ANKRD28: variants seen among roughly 807,000 people sequenced by gnomAD.
The protein encoded by ANKRD28 is serine/threonine-protein phosphatase 6 regulatory ankyrin repeat subunit A.
ANKRD28 carries 44 observed loss-of-function variants against 126.5 expected under a neutral mutation model. The observed-to-expected ratio is 0.35, with a 90% CI of 0.27 to 0.45. ANKRD28 has a LOEUF of 0.45. Among genes scored for constraint, ANKRD28 ranks in the 20% least tolerant of loss-of-function variants. The pLI is 1.00. For missense variants in ANKRD28, 1,110 were observed against 1,316.6 expected (o/e 0.84, Z 2.43); for synonymous variants, 442 against 468.5 (o/e 0.94, Z 0.73).
chr3:15,739,594 A>G (rs1252272305), intron 4 of ANKRD28, among the ~76,000 whole-genome samples: 1 of 152,218 alleles, frequency 6.6e-6, no homozygotes, highest in Non-Finnish European at 1.5e-5. Flanking sequence ...GGTGGGGGAA[A>G]TAACATCTGC....
At chr3:15,818,563 C>T (rs1017668585) in intron 1 of ANKRD28, among the ~76,000 whole-genome samples, 3 of 152,044 alleles carry the variant, frequency 2.0e-5, no homozygotes, top group African/African-American at 7.3e-5. Flanking sequence ...TACATACATA[C>T]CCTATGATAA....
chr3:15,727,270 T>C (rs572319697), intron 6 of ANKRD28, among the ~76,000 whole-genome samples: 61 of 152,156 alleles, frequency 4.0e-4, no homozygotes, highest in African/African-American at 1.4e-3. Context: ...GATTCATCAT[T>C]CTAGATGCCA....
intron 2 of ANKRD28, among the ~76,000 whole-genome samples, chr3:15,775,778 T>C (rs948543558): frequency 3.9e-5 from 6 of 152,214 alleles, no homozygotes; most frequent in African/African-American, 1.4e-4. Context: ...CTCCAGGAAC[T>C]GCCACATGTT....
rs1371506814 is a variant in ANKRD28, at chr3:15,850,205, ATAT to A, written c.27+9169_27+9171del. Among the ~76,000 whole-genome samples the A allele has an allele frequency of 4.5e-4, 11 of 24,388 alleles. 3 individuals carry two copies. Among genetic ancestry groups the A allele is most frequent in the Non-Finnish European group, 4.5e-4 (5 of 11,042 alleles). The allele number at this position is 24,388 out of a possible 152,430, so 16.0% of individuals were successfully genotyped here. A position where few individuals can be genotyped will look rare whatever the true frequency, so the allele number is the denominator to read the frequency against. ...CTACATGCAATAAAAAAAAAAAAAA[ATAT>A]ATATATATATATATATAGAGAGAGA... is the stretch of plus-strand genomic sequence containing the variant. On this transcript the variant is annotated intron_variant, in intron 1 of 27. Coordinates refer to the ANKRD28 transcript ENST00000399451.
At chr3:15,688,167 A>G (rs1417114324) in intron 18 of ANKRD28, among the ~76,000 whole-genome samples, 1 of 152,244 alleles carries the variant, frequency 6.6e-6, no homozygotes, top group Non-Finnish European at 1.5e-5. Flanking sequence ...TTGAGAGTGC[A>G]ACCACTCCAT....
intron 1 of ANKRD28, among the ~76,000 whole-genome samples, chr3:15,806,357 G>A (rs892228447): frequency 6.6e-6 from 1 of 152,124 alleles, no homozygotes; most frequent in African/African-American, 2.4e-5. Context: ...TTACTGTATT[G>A]TAGAAATTTT....
intron 6 of ANKRD28, among the ~76,000 whole-genome samples, chr3:15,731,678 C>A (rs992210046): frequency 2.6e-5 from 4 of 151,762 alleles, no homozygotes; most frequent in Non-Finnish European, 5.9e-5. Flanking sequence ...GGTGAAACCT[C>A]ATCTCTACTA....
chr3:15,693,285 T>C (rs2125857318), intron 17 of ANKRD28, among the ~76,000 whole-genome samples: 1 of 152,078 alleles, frequency 6.6e-6, no homozygotes, highest in East Asian at 1.9e-4. Flanking sequence ...TACCACCATA[T>C]ACACATACAA....
chr3:15,743,123 A>G (rs2057216243), intron 4 of ANKRD28, among the ~76,000 whole-genome samples: 2 of 151,888 alleles, frequency 1.3e-5, no homozygotes, highest in South Asian at 2.1e-4. Context: ...ACTCAGGGTT[A>G]AATGGATTAA....
chr3:15,724,524 C>A lies in ANKRD28; in HGVS notation c.641G>T (p.Gly214Val). Residue 214 changes from glycine to valine, a missense_variant and splice_region_variant, in exon 7 of 28, where the codon GGT becomes GTT. Transcript: ENST00000683139. Reference sequence around the variant, plus strand: ...AAGCAATTTCACTACTTCAATGTGACCTAAAAATGTGTTTTTGAAGAAAAA... The same window carrying A: ...AAGCAATTTCACTACTTCAATGTGAACTAAAAATGTGTTTTTGAAGAAAAA... Reference protein sequence around the residue: ...RRAIHWAAYMGHIEVVKLLVS... With the variant: ...RRAIHWAAYMVHIEVVKLLVS... 6.4e-7 allele frequency: 1 copy of A among 1,566,360 alleles called. No homozygotes were observed. Among genetic ancestry groups the A allele is most frequent in the Non-Finnish European group, 8.7e-7 (1 of 1,155,288 alleles).
Position 15,709,677 on chromosome 3 carries a change from T to C in ANKRD28, c.1397A>G (p.Lys466Arg). The stretch of plus-strand genomic sequence containing the variant: ...CTGTATCATACCCTACCTCCCAAAT[T>C]TGTCCTTTTTATTAAAGTCTGCACC... ...NTGADFNKKD[K>R]FGRSPLHYAA... The change falls in exon 13 of 28, where the codon AAA (lysine) becomes AGA (arginine). Residue 466 changes from lysine (K) to arginine (R), a missense_variant. Coordinates refer to ENST00000683139, the MANE Select transcript of ANKRD28 (RefSeq NM_001349278.2). The C allele has an allele frequency of 6.3e-7, 1 of 1,580,530 alleles. No homozygotes were observed. The highest frequency in any genetic ancestry group is 1.2e-5 in the South Asian group (1 of 86,008).
In ANKRD28 at chr3:15,843,747, G is replaced by A. The variant is rs909753017; in HGVS notation, c.27+15630C>T. ...AGATAAAGATAGAATTAAGAGTACA[G>A]TAGGCCAGTTTGAGCCAAAAATAAT... On this transcript the variant is annotated intron_variant, in intron 1 of 27. Coordinates refer to the ANKRD28 transcript ENST00000399451. The surrounding 1 kb of genome is among the most constrained non-coding windows in gnomAD (Gnocchi z 5.2). Among the ~76,000 whole-genome samples, 1 of 146,750 alleles carries A rather than the reference G, an allele frequency of 6.8e-6. No individual in the cohort carries two copies. The highest frequency in any genetic ancestry group is 1.5e-5 in the Non-Finnish European group (1 of 67,004).
chr3:15,734,077 G>A (rs1208170383), intron 6 of ANKRD28, among the ~76,000 whole-genome samples: 2 of 152,076 alleles, frequency 1.3e-5, no homozygotes, highest in African/African-American at 4.8e-5. Flanking sequence ...TACCACATGT[G>A]GTTCAAAAAT....
chr3:15,850,932 T>C (rs1354974130), intron 1 of ANKRD28, among the ~76,000 whole-genome samples: 2 of 152,164 alleles, frequency 1.3e-5, no homozygotes, highest in African/African-American at 2.4e-5. Context: ...GGGACTGCAC[T>C]TGTGGATCTG....
intron 2 of ANKRD28, among the ~76,000 whole-genome samples, chr3:15,773,635 T>G (rs542352829): frequency 6.6e-6 from 1 of 151,854 alleles, no homozygotes; most frequent in Non-Finnish European, 1.5e-5. Context: ...AAAAAAAAAT[T>G]TCAAGATTTG....
intron 1 of ANKRD28, among the ~76,000 whole-genome samples, chr3:15,813,776 G>A (rs2060775941): frequency 6.6e-6 from 1 of 152,138 alleles, no homozygotes; most frequent in Admixed American, 6.5e-5. Flanking sequence ...AATAATTGAG[G>A]TTCCCCAGTG....
chr3:15,738,689 G>A (rs910435400), intron 4 of ANKRD28: 1 of 152,524 alleles, frequency 6.6e-6, no homozygotes, highest in Non-Finnish European at 1.5e-5. Flanking sequence ...GTTGCCTAAG[G>A]AGGGGTGAAC....
Position 15,701,602 on chromosome 3 carries a change from C to A in ANKRD28, c.1548-5357G>T, listed in dbSNP as rs545028621. ...GAGGTTGCAGTAAGCTGAGATTGCA[C>A]CATTGCACTCCAGCCTGGGCAAGAA... On this transcript the variant is annotated intron_variant, in intron 14 of 27. Coordinates refer to ENST00000683139, the MANE Select transcript of ANKRD28 (RefSeq NM_001349278.2). Among the ~76,000 whole-genome samples the A allele has an allele frequency of 1.5e-4, 23 of 151,950 alleles. No individual in the cohort carries two copies. The East Asian group carries it at 3.9e-3, about 25-fold the overall frequency.
chr3:15,809,873 T>C (rs1038618481), intron 1 of ANKRD28, among the ~76,000 whole-genome samples: 1 of 152,198 alleles, frequency 6.6e-6, no homozygotes, highest in African/African-American at 2.4e-5. Context: ...AAGTTTCACA[T>C]ATATCAATGT....
Sources: allele counts gnomAD v4.1 joint callset (sites outside exome capture counted in the v4.1 genomes callset), GRCh38; gene constraint gnomAD v4.1.1; non-coding constraint Gnocchi (gnomAD v3.1); transcripts MANE v1.5; gene names NCBI Gene and HGNC (gene_info 2026-07-23, HGNC 2026-07-21).